DCC: variants seen among roughly 807,000 people sequenced by gnomAD.
The protein encoded by DCC is DCC netrin 1 receptor.
Under a neutral mutation model 172.5 loss-of-function variants are expected in DCC, and 58 were observed. That is an observed-to-expected ratio of 0.34 (90% CI 0.27 to 0.42). DCC has a LOEUF of 0.42. Ranked by LOEUF, DCC falls within the 10% of genes least tolerant of loss-of-function variation. DCC has a pLI of 1.00. For missense variants in DCC, 1,740 were observed against 1,791.0 expected (o/e 0.97, Z 0.51); for synonymous variants, 709 against 644.5 (o/e 1.10, Z -1.52).
intron 12 of DCC, among the ~76,000 whole-genome samples, chr18:53,303,498 A>G (rs1386822383): frequency 1.3e-5 from 2 of 152,202 alleles, no homozygotes; most frequent in Non-Finnish European, 2.9e-5. Context: ...AAAATGAAGT[A>G]TGAAAAAGCT....
rs1157143301 is a variant in DCC at position 53,014,852 on chromosome 18, CTACTT to C, written c.986-48450_986-48446del. Among the ~76,000 whole-genome samples, 7 of 152,138 alleles carry C rather than the reference CTACTT, an allele frequency of 4.6e-5. No individual in the cohort carries two copies. The East Asian group carries it at 7.8e-4, about 17-fold the overall frequency. On this transcript the variant is annotated intron_variant, in intron 5 of 28. Transcript: ENST00000442544. ...ACCAAAATTAGGCCATCCCAGAAAC[CTACTT>C]TATGATGATATCTGTGTGATGGAGT...
intron 1 of DCC, among the ~76,000 whole-genome samples, chr18:52,668,326 A>G (rs1353959755): frequency 6.6e-6 from 1 of 152,212 alleles, no homozygotes; most frequent in African/African-American, 2.4e-5. Flanking sequence ...TTGGGAGAAT[A>G]AGCTAATAAG....
intron 1 of DCC, among the ~76,000 whole-genome samples, chr18:52,564,169 T>C (rs2033102452): frequency 6.6e-6 from 1 of 152,110 alleles, no homozygotes; most frequent in Non-Finnish European, 1.5e-5. Flanking sequence ...TTTTCTTGTC[T>C]TCCTCAAAGG....
chr18:53,118,965 T>A (rs1275597393), intron 7 of DCC, among the ~76,000 whole-genome samples: 1 of 151,866 alleles, frequency 6.6e-6, no homozygotes. Context: ...ATTTTAACAT[T>A]AAATCTGCCA....
chr18:52,671,182 G>A (rs957998465), intron 1 of DCC, among the ~76,000 whole-genome samples: 39 of 152,158 alleles, frequency 2.6e-4, no homozygotes, highest in African/African-American at 8.9e-4. Flanking sequence ...TCAAACATGA[G>A]TTCTTCATAA....
chr18:52,843,503 AAG>A (rs2038839463), intron 2 of DCC, among the ~76,000 whole-genome samples: 1 of 152,100 alleles, frequency 6.6e-6, no homozygotes, highest in African/African-American at 2.4e-5. Context: ...TTAATATAAA[AAG>A]TACTGCATTG....
At chr18:53,275,406 A>T (rs939563359) in intron 12 of DCC, among the ~76,000 whole-genome samples, 2 of 152,092 alleles carry the variant, frequency 1.3e-5, no homozygotes, top group African/African-American at 4.8e-5. Context: ...CAAATATATG[A>T]TCTCCACTGG....
intron 5 of DCC, among the ~76,000 whole-genome samples, chr18:53,038,777 C>G (rs1324499326): frequency 6.6e-6 from 1 of 151,988 alleles, no homozygotes; most frequent in South Asian, 2.1e-4. Flanking sequence ...AGCCTGGGCT[C>G]TTTTAACACT....
At chr18:53,506,631 G>A (rs1190846535) in intron 27 of DCC, among the ~76,000 whole-genome samples, 1 of 152,138 alleles carries the variant, frequency 6.6e-6, no homozygotes, top group Non-Finnish European at 1.5e-5. Context: ...GCTGAGGCAG[G>A]CAGATTGCCT....
chr18:52,566,661 G>T (rs927168837), intron 1 of DCC, among the ~76,000 whole-genome samples: 2 of 151,934 alleles, frequency 1.3e-5, no homozygotes, highest in African/African-American at 4.8e-5. Context: ...ATGATATTGG[G>T]GCTACAGCAG....
intron 15 of DCC, among the ~76,000 whole-genome samples, chr18:53,375,155 A>G (rs1361773310): frequency 1.3e-5 from 2 of 152,194 alleles, no homozygotes; most frequent in Non-Finnish European, 2.9e-5. Context: ...CAGGATTGAC[A>G]TCTGGTGCAG....
At chr18:53,175,901 G>A (rs1361390107) in intron 8 of DCC, among the ~76,000 whole-genome samples, 1 of 152,148 alleles carries the variant, frequency 6.6e-6, no homozygotes, top group Non-Finnish European at 1.5e-5. Flanking sequence ...CAAAGCTGGA[G>A]GTATCACACT....
intron 27 of DCC, among the ~76,000 whole-genome samples, chr18:53,513,034 G>A (rs1257074962): frequency 6.6e-6 from 1 of 152,084 alleles, no homozygotes; most frequent in Non-Finnish European, 1.5e-5. Flanking sequence ...TTGAAATGAA[G>A]GAAAAAATGT....
intron 12 of DCC, among the ~76,000 whole-genome samples, chr18:53,278,523 C>T (rs1376517925): frequency 1.3e-5 from 2 of 152,070 alleles, no homozygotes; most frequent in African/African-American, 4.8e-5. Flanking sequence ...AGAGGTAAAA[C>T]AGGATCTCTG....
At chr18:53,363,277 A>G (rs2057967762) in intron 15 of DCC, among the ~76,000 whole-genome samples, 1 of 152,044 alleles carries the variant, frequency 6.6e-6, no homozygotes, top group Non-Finnish European at 1.5e-5. Context: ...TTCTATAGCA[A>G]TTTTCTCCTG....
At chr18:52,871,702 A>G (rs1011837800) in intron 2 of DCC, among the ~76,000 whole-genome samples, 3 of 152,128 alleles carry the variant, frequency 2.0e-5, no homozygotes, top group Admixed American at 6.5e-5. Flanking sequence ...CAGTCATCCT[A>G]CCTTGACCTC....
chr18:53,188,197 T>C (rs555060773), intron 9 of DCC, among the ~76,000 whole-genome samples: 2 of 152,156 alleles, frequency 1.3e-5, no homozygotes, highest in Non-Finnish European at 2.9e-5. Context: ...CCAATAAACC[T>C]GGGGACCAGA....
intron 5 of DCC, among the ~76,000 whole-genome samples, chr18:52,975,472 A>G (rs950273503): frequency 2.6e-5 from 4 of 152,054 alleles, no homozygotes; most frequent in African/African-American, 9.7e-5. Context: ...ATTAAGACTG[A>G]TACCCATTAG....
chr18:52,512,017 A>G (rs1427059038), intron 1 of DCC, among the ~76,000 whole-genome samples: 1 of 152,126 alleles, frequency 6.6e-6, no homozygotes, highest in Non-Finnish European at 1.5e-5. Context: ...TAACACAAAG[A>G]CAGCTCCCAT....
Sources: gnomAD v4.1 joint callset for allele counts (sites outside exome capture counted in the v4.1 genomes callset) on GRCh38, gnomAD v4.1.1 for gene constraint, MANE v1.5 for transcripts, NCBI Gene and HGNC (gene_info 2026-07-23, HGNC 2026-07-21) for gene names.